RPTOR: variants seen among roughly 807,000 people sequenced by gnomAD.
RPTOR encodes regulatory associated protein of MTOR complex 1.
RPTOR carries 21 observed loss-of-function variants against 169.9 expected under a neutral mutation model. The observed-to-expected ratio is 0.12, with a 90% CI of 0.09 to 0.18. The LOEUF is 0.18. RPTOR is among the 10% of genes least tolerant of loss of function. RPTOR has a pLI of 1.00. For synonymous variants in RPTOR, 732 were observed against 753.2 expected, an observed-to-expected ratio of 0.97 and a Z score of 0.46; for missense variants, 1,133 against 1,855.9, an observed-to-expected ratio of 0.61 and a Z score of 7.16.
intron 1 of RPTOR, among the ~76,000 whole-genome samples, chr17:80,610,690 G>C (rs2065264160): frequency 6.6e-6 from 1 of 152,158 alleles, no homozygotes; most frequent in Non-Finnish European, 1.5e-5. Flanking sequence ...CTCCACGACA[G>C]TAGACCCTGA....
At chr17:80,774,148 C>T (rs1455496922) in intron 6 of RPTOR, 5 of 985,314 alleles carry the variant, frequency 5.1e-6, no homozygotes, top group Non-Finnish European at 6.0e-6. Flanking sequence ...GGCGCTGTGA[C>T]ATCCTGAGAA....
chr17:80,888,044 T>A (rs780217030), intron 17 of RPTOR, among the ~76,000 whole-genome samples: 15 of 152,094 alleles, frequency 9.9e-5, no homozygotes, highest in Non-Finnish European at 2.1e-4. Context: ...TCAGCGGGGC[T>A]TGGATGGGGG....
chr17:80,585,619 C>T (rs914226020), intron 1 of RPTOR, among the ~76,000 whole-genome samples: 1 of 152,176 alleles, frequency 6.6e-6, no homozygotes, highest in Non-Finnish European at 1.5e-5. Flanking sequence ...GTAGGGTGGT[C>T]CTGAGTGTGC....
At position 80,651,537 on chromosome 17, in the gene RPTOR, T is replaced by G. The variant is rs1368087514; in HGVS notation, c.348+7727T>G. ...TGTTGGTATGACACATAATGGAGAT[T>G]TTTTTAAAATGGACATACGAAGCAC... is the stretch of plus-strand genomic sequence containing the variant. On this transcript the variant is annotated intron_variant, in intron 3 of 33. Transcript: ENST00000306801. This position sits in a 1 kb window ranked among gnomAD's most constrained non-coding sequence, Gnocchi z 4.1. Among the ~76,000 whole-genome samples, 1 of 151,836 alleles carries G rather than the reference T, an allele frequency of 6.6e-6. No individual in the cohort carries two copies. The highest frequency in any genetic ancestry group is 1.5e-5 in the Non-Finnish European group (1 of 67,982).
At chr17:80,882,237 G>A (rs2068193683) in intron 14 of RPTOR, among the ~76,000 whole-genome samples, 1 of 152,190 alleles carries the variant, frequency 6.6e-6, no homozygotes, top group South Asian at 2.1e-4. Flanking sequence ...AAGTAGAGAA[G>A]CAGTTTTTGA....
At chr17:80,954,031 C>T (rs2069217007) in intron 28 of RPTOR, among the ~76,000 whole-genome samples, 1 of 152,212 alleles carries the variant, frequency 6.6e-6, no homozygotes, top group African/African-American at 2.4e-5. Flanking sequence ...TGGGGTCTTG[C>T]TCTCACTGCA....
chr17:80,818,722 A>G (rs1056965778), intron 7 of RPTOR, among the ~76,000 whole-genome samples: 1 of 152,144 alleles, frequency 6.6e-6, no homozygotes. Context: ...TGGTTTCACG[A>G]TGAGCTTAGG....
At chr17:80,742,778 A>C (rs2066497148) in intron 5 of RPTOR, among the ~76,000 whole-genome samples, 2 of 152,068 alleles carry the variant, frequency 1.3e-5, no homozygotes, top group Admixed American at 1.3e-4. Flanking sequence ...ACATGTATAC[A>C]TGTGCATACA....
intron 21 of RPTOR, among the ~76,000 whole-genome samples, chr17:80,913,893 C>CCACA (rs1424348177): frequency 2.0e-5 from 3 of 152,198 alleles, no homozygotes; most frequent in African/African-American, 7.2e-5. Flanking sequence ...AACCTTCAAG[C>CCACA]CACAGGTGGT....
At chr17:80,752,130 T>G in intron 5 of RPTOR, among the ~76,000 whole-genome samples, 1 of 152,226 alleles carries the variant, frequency 6.6e-6, no homozygotes. Context: ...GAGAAGGCAA[T>G]GCAGATTCCA....
At chr17:80,592,868 G>T (rs1026218510) in intron 1 of RPTOR, among the ~76,000 whole-genome samples, 1 of 152,152 alleles carries the variant, frequency 6.6e-6, no homozygotes, top group Non-Finnish European at 1.5e-5. Context: ...TTTCCCTGGC[G>T]CCTGGATCTG....
At chr17:80,630,536 C>G (rs1384113550) in intron 2 of RPTOR, among the ~76,000 whole-genome samples, 1 of 152,228 alleles carries the variant, frequency 6.6e-6, no homozygotes. Context: ...AGGAAAACCT[C>G]AGTTTGGCTG....
chr17:80,864,639 G>A (rs572246708), intron 13 of RPTOR, among the ~76,000 whole-genome samples: 25 of 152,336 alleles, frequency 1.6e-4, no homozygotes, highest in East Asian at 5.8e-4. Context: ...TACAAGAAAC[G>A]TGAAGTCCTT....
chr17:80,917,573 C>T (rs1460656983), intron 21 of RPTOR, among the ~76,000 whole-genome samples: 1 of 152,224 alleles, frequency 6.6e-6, no homozygotes, highest in Non-Finnish European at 1.5e-5. Flanking sequence ...AGCATGTTTG[C>T]AATTAACCTC....
Position 80,584,263 on chromosome 17 carries a change from G to A in RPTOR, c.162+38472G>A, listed in dbSNP as rs192933471. On this transcript the variant is annotated intron_variant, in intron 1 of 33. Coordinates refer to ENST00000306801, the MANE Select transcript of RPTOR (RefSeq NM_020761.3). ...TGTTGGATTTTTACTGAGAGCTCTA[G>A]AGAAACTAGTCACCTGGGGGTTTCA... 5.9e-5 allele frequency among the ~76,000 whole-genome samples: 9 copies of A among 152,266 alleles called. No homozygotes were observed. The East Asian group carries it at 1.7e-3, about 29-fold the overall frequency.
chr17:80,916,945 A>G (rs1481068638), intron 21 of RPTOR, among the ~76,000 whole-genome samples: 1 of 152,070 alleles, frequency 6.6e-6, no homozygotes, highest in Non-Finnish European at 1.5e-5. Context: ...CCAAGATCAC[A>G]CCACTGCACT....
chr17:80,898,069 G>A (rs1401950462), intron 20 of RPTOR, among the ~76,000 whole-genome samples: 1 of 152,144 alleles, frequency 6.6e-6, no homozygotes, highest in South Asian at 2.1e-4. Context: ...GAACTGTCTG[G>A]GCTAGTGTAG....
intron 21 of RPTOR, among the ~76,000 whole-genome samples, chr17:80,922,099 T>C (rs548051194): frequency 6.6e-6 from 1 of 152,234 alleles, no homozygotes; most frequent in East Asian, 1.9e-4. Flanking sequence ...CACACGGGGG[T>C]GTAAACAGTG....
At chr17:80,840,118 C>T (rs2067611064) in intron 10 of RPTOR, among the ~76,000 whole-genome samples, 1 of 152,184 alleles carries the variant, frequency 6.6e-6, no homozygotes, top group African/African-American at 2.4e-5. Context: ...TAATCACACC[C>T]AAATCAAGCA....
Sources: allele counts gnomAD v4.1 joint callset (sites outside exome capture counted in the v4.1 genomes callset), GRCh38; gene constraint gnomAD v4.1.1; non-coding constraint Gnocchi (gnomAD v3.1); transcripts MANE v1.5; gene names NCBI Gene and HGNC (gene_info 2026-07-23, HGNC 2026-07-21).